FGD6: variants seen among roughly 807,000 people sequenced by gnomAD.
FGD6 encodes FYVE, RhoGEF and PH domain-containing protein 6.
FGD6 carries 90 observed loss-of-function variants against 149.4 expected under a neutral mutation model. The observed-to-expected ratio is 0.60, with a 90% CI of 0.51 to 0.72. FGD6 has a LOEUF of 0.72. FGD6 is among the 30% of genes least tolerant of loss of function. FGD6 has a pLI of 0.00. For synonymous variants in FGD6, 527 were observed against 584.0 expected (o/e 0.90, Z 1.41); for missense variants, 1,437 against 1,684.8 (o/e 0.85, Z 2.57).
intron 14 of FGD6, among the ~76,000 whole-genome samples, chr12:95,098,917 T>C (rs1023423858): frequency 6.7e-6 from 1 of 148,718 alleles, no homozygotes; most frequent in Non-Finnish European, 1.5e-5. Context: ...TTGCCTAGGT[T>C]GGAGTGTAGT....
chr12:95,108,425 GA>G lies in FGD6; in HGVS notation c.3193-7del. 6.2e-7 allele frequency: 1 copy of G among 1,614,062 alleles called. No individual in the cohort carries two copies. Among genetic ancestry groups the G allele is most frequent in the Non-Finnish European group, 8.5e-7 (1 of 1,179,972 alleles). On this transcript the variant is annotated splice_region_variant and splice_polypyrimidine_tract_variant and intron_variant, in intron 10 of 20. Transcript: ENST00000343958. ...ATAAGTTTCTGAAAGTTGTCCTACA[GA>G]AAGACAATGGAAAGCATATGAAGGC...
intron 2 of FGD6, among the ~76,000 whole-genome samples, chr12:95,194,045 T>G (rs549260369): frequency 8.9e-4 from 135 of 152,188 alleles, no homozygotes; most frequent in African/African-American, 3.2e-3. Context: ...GTGATCTTCC[T>G]GCCTCAGACT....
intron 2 of FGD6, among the ~76,000 whole-genome samples, chr12:95,201,987 CACACACACACACAT>C (rs1265604168): frequency 4.7e-5 from 7 of 149,580 alleles, no homozygotes; most frequent in Admixed American, 3.3e-4. Flanking sequence ...CACACACACA[CACACACACACACAT>C]CTTCTTCTTC....
chr12:95,170,311 TA>T (rs1168800564), intron 3 of FGD6, among the ~76,000 whole-genome samples: 1 of 152,094 alleles, frequency 6.6e-6, no homozygotes, highest in African/African-American at 2.4e-5. Context: ...TCTTCCTGAT[TA>T]TGATTAAGCA....
intron 9 of FGD6, among the ~76,000 whole-genome samples, chr12:95,109,097 C>A (rs115273661): frequency 0.012 from 1,854 of 152,238 alleles, 37 homozygotes; most frequent in African/African-American, 0.042. Context: ...ATGGAAGCAT[C>A]CCAGATCTTA....
intron 2 of FGD6, among the ~76,000 whole-genome samples, chr12:95,184,397 C>G (rs1019473679): frequency 6.6e-6 from 1 of 152,070 alleles, no homozygotes; most frequent in Non-Finnish European, 1.5e-5. Context: ...TACAAGTAAG[C>G]CTATTTGCCA....
intron 1 of FGD6, among the ~76,000 whole-genome samples, chr12:95,214,931 C>T (rs559814719): frequency 3.8e-4 from 56 of 145,798 alleles, no homozygotes; most frequent in African/African-American, 1.3e-3. Context: ...GGCTCGATCT[C>T]GGCTCACCAC....
chr12:95,145,783 A>G (rs1443761726), intron 5 of FGD6, among the ~76,000 whole-genome samples: 2 of 151,892 alleles, frequency 1.3e-5, no homozygotes, highest in Non-Finnish European at 2.9e-5. Context: ...AAGCGATTCT[A>G]CTGCCTCAGC....
At chr12:95,121,241 A>C (rs1041473709) in intron 8 of FGD6, among the ~76,000 whole-genome samples, 1 of 151,764 alleles carries the variant, frequency 6.6e-6, no homozygotes, top group African/African-American at 2.4e-5. Context: ...GTTGTTTGAG[A>C]CCAGACTGGC....
At chr12:95,173,312 T>C (rs1485116089) in intron 2 of FGD6, among the ~76,000 whole-genome samples, 3 of 152,192 alleles carry the variant, frequency 2.0e-5, no homozygotes, top group African/African-American at 7.2e-5. Context: ...TCTCAGATTA[T>C]GCTCAAGACC....
Position 95,088,785 on chromosome 12 carries a change from T to C in FGD6, c.3978+784A>G, listed in dbSNP as rs144862899. ...GTATGGATACGTGCTGTAATTTCCA[T>C]GAACCTCTAAAACACTGTGTTTCAA... On this transcript the variant is annotated intron_variant, in intron 18 of 20. Transcript: ENST00000343958. Among the ~76,000 whole-genome samples, 729 of 152,356 alleles carry C rather than the reference T, an allele frequency of 4.8e-3. 6 individuals are homozygous for C. The highest frequency in any genetic ancestry group is 6.8e-3 in the Middle Eastern group (2 of 294).
rs994438145 is a variant in FGD6, at chr12:95,135,044, T to A, written c.2995-218A>T. Among the ~76,000 whole-genome samples the A allele has an allele frequency of 1.3e-4, 20 of 152,308 alleles. 1 individual carries two copies. In the South Asian group the frequency reaches 1.7e-3, roughly 13 times the overall value. ...TCCACCCTTTCCTGTAGGCAGTCCC[T>A]GAAACCATTTGCTCCTAGGAAAAAC... On this transcript the variant is annotated intron_variant, in intron 7 of 20. Transcript: ENST00000343958.
intron 5 of FGD6, among the ~76,000 whole-genome samples, chr12:95,151,107 G>C (rs1880297712): frequency 6.6e-6 from 1 of 151,680 alleles, no homozygotes; most frequent in Non-Finnish European, 1.5e-5. Context: ...AAAAAAAGGA[G>C]AGAGAGAGGA....
At chr12:95,112,706 C>A (rs894320468) in intron 9 of FGD6, among the ~76,000 whole-genome samples, 1 of 151,992 alleles carries the variant, frequency 6.6e-6, no homozygotes, top group African/African-American at 2.4e-5. Flanking sequence ...TGTGTATCTG[C>A]GAGAGAGGGA....
intron 14 of FGD6, among the ~76,000 whole-genome samples, chr12:95,097,251 A>C (rs745687045): frequency 3.3e-5 from 5 of 152,182 alleles, no homozygotes; most frequent in Non-Finnish European, 5.9e-5. Context: ...TAAGTCAAGT[A>C]TTATTTTCTT....
In FGD6 at chr12:95,136,747, C is replaced by G. The variant is rs545144538; in HGVS notation, c.2994+775G>C. 4.6e-3 allele frequency among the ~76,000 whole-genome samples: 694 copies of G among 152,258 alleles called. 7 individuals are homozygous for G. The highest frequency in any genetic ancestry group is 0.016 in the African/African-American group (655 of 41,552). On this transcript the variant is annotated intron_variant, in intron 7 of 20. Coordinates refer to ENST00000343958, the MANE Select transcript of FGD6 (RefSeq NM_018351.4). ...TAAAAGTTAAGACATGTTCCTTAAT[C>G]AAGTTCATTGAGTCAGAAAGCAGAA...
intron 8 of FGD6, among the ~76,000 whole-genome samples, chr12:95,122,081 T>C (rs1160760261): frequency 2.6e-5 from 4 of 152,190 alleles, no homozygotes; most frequent in Non-Finnish European, 5.9e-5. Flanking sequence ...CCTTAGAATA[T>C]GTATGCACTG....
intron 9 of FGD6, among the ~76,000 whole-genome samples, chr12:95,112,398 G>A (rs779246859): frequency 1.3e-5 from 2 of 152,014 alleles, no homozygotes; most frequent in Non-Finnish European, 2.9e-5. Flanking sequence ...TCAGGAGTTC[G>A]AGACCAGCCT....
intron 3 of FGD6, among the ~76,000 whole-genome samples, chr12:95,169,288 C>A (rs1880918623): frequency 6.6e-6 from 1 of 150,790 alleles, no homozygotes; most frequent in Non-Finnish European, 1.5e-5. Context: ...GTCTGTAACA[C>A]AATCACATAA....
Sources: gnomAD v4.1 joint callset for allele counts (sites outside exome capture counted in the v4.1 genomes callset) on GRCh38, gnomAD v4.1.1 for gene constraint, MANE v1.5 for transcripts, NCBI Gene and HGNC (gene_info 2026-07-23, HGNC 2026-07-21) for gene names.